Variants in NOVA2 observed in about 807,000 individuals in gnomAD.
NOVA2 encodes the protein RNA-binding protein Nova-2.
A neutral mutation model predicts 22.5 loss-of-function variants in NOVA2; 9 were observed. The ratio of observed to expected loss-of-function variants is 0.40; its 90% CI spans 0.24 to 0.70. The LOEUF is 0.70. Among genes scored for constraint, NOVA2 ranks in the 30% least tolerant of loss-of-function variants. The pLI is 0.38. For missense variants in NOVA2, 383 were observed against 682.8 expected, an observed-to-expected ratio of 0.56 and a Z score of 4.89; for synonymous variants, 318 against 335.2, an observed-to-expected ratio of 0.95 and a Z score of 0.56.
In NOVA2 at chr19:45,973,314, A is replaced by G; in HGVS notation, c.38T>C (p.Leu13Pro). ...PEAPDSRKRP[L>P]ETPPEVVCTK... ...GCAGACCACCTCGGGGGGCGTTTCG[A>G]GGGGCCTCTTGCGGGAATCCGGGGC... The change falls in exon 1 of 4, where the codon CTC becomes CCC. Residue 13 changes from leucine (L) to proline (P), a missense_variant. Transcript: ENST00000263257. 7.6e-7 allele frequency: 1 copy of G among 1,307,584 alleles called. No individual in the cohort carries two copies. Among genetic ancestry groups the G allele is most frequent in the Non-Finnish European group, 9.8e-7 (1 of 1,021,896 alleles). The allele number at this position is 1,307,584 out of a possible 1,614,324, so 81.0% of individuals were successfully genotyped here.
intron 3 of NOVA2, among the ~76,000 whole-genome samples, chr19:45,945,844 T>TA (rs1967829564): frequency 3.3e-5 from 5 of 150,090 alleles, no homozygotes; most frequent in African/African-American, 1.2e-4. Context: ...TATTATTTTT[T>TA]TTTTTTTTGA....
At chr19:45,952,637 A>G (rs1277636701) in intron 3 of NOVA2, among the ~76,000 whole-genome samples, 1 of 152,214 alleles carries the variant, frequency 6.6e-6, no homozygotes, top group African/African-American at 2.4e-5. Flanking sequence ...GGCGGAGGGA[A>G]GAGGCAATGC....
chr19:45,940,245 A>G lies in NOVA2; in HGVS notation c.1097T>C (p.Leu366Pro). Residue 366 changes from leucine (L) to proline (P), a missense_variant, in exon 4 of 4, where the codon CTC (leucine) becomes CCC (proline). Physicochemically the swap from Leu to Pro is moderately conservative, Grantham distance 98 (BLOSUM62 -3). Coordinates refer to ENST00000263257, the MANE Select transcript of NOVA2 (RefSeq NM_002516.4). ...CGCCCCGCCGCCCGCCCCGGCCCCGAGGTAGCCGTTGGCGGCTGCGGCCAA... is the reference window on the plus strand; with the variant it reads ...CGCCCCGCCGCCCGCCCCGGCCCCGGGGTAGCCGTTGGCGGCTGCGGCCAA... ...FALAAAANGYLGAGAGGGAGG... is the reference protein window; with the variant it reads ...FALAAAANGYPGAGAGGGAGG... 9.2e-7 allele frequency: 1 copy of G among 1,086,000 alleles called. No homozygotes were observed. Among genetic ancestry groups the G allele is most frequent in the Non-Finnish European group, 1.1e-6 (1 of 899,172 alleles). The allele number at this position is 1,086,000 out of a possible 1,614,324, so 67.3% of individuals were successfully genotyped here.
intron 2 of NOVA2, among the ~76,000 whole-genome samples, chr19:45,959,682 C>T (rs1207258724): frequency 1.7e-5 from 2 of 117,570 alleles, no homozygotes; most frequent in African/African-American, 3.2e-5. Flanking sequence ...AGGCTGGGGG[C>T]GGGGTGGATG....
intron 3 of NOVA2, among the ~76,000 whole-genome samples, chr19:45,952,556 T>C (rs1967941876): frequency 6.6e-6 from 1 of 152,230 alleles, no homozygotes; most frequent in South Asian, 2.1e-4. Context: ...GCACAGATGG[T>C]GCTGACCCCA....
At position 45,934,352 on chromosome 19, in the gene NOVA2, C is replaced by T. The variant is rs896556415; in HGVS notation, c.*5511G>A. 6.6e-6 allele frequency: 1 copy of T among 152,244 alleles called. No individual in the cohort carries two copies. Among genetic ancestry groups the T allele is most frequent in the Non-Finnish European group, 1.5e-5 (1 of 68,064 alleles). 9.4% of individuals were successfully genotyped at this position (152,244 alleles called of 1,614,324 possible). ...GAGGTTCTAGCTCCTCTGACTCCAC[C>T]ATTATCTCACTGAGGCTCCTCAGGG... is the stretch of plus-strand genomic sequence containing the variant. On this transcript the variant is annotated 3_prime_UTR_variant, in exon 4 of 4. Coordinates refer to ENST00000263257, the MANE Select transcript of NOVA2 (RefSeq NM_002516.4).
intron 2 of NOVA2, among the ~76,000 whole-genome samples, chr19:45,954,892 G>A (rs1967982373): frequency 7.1e-6 from 1 of 141,482 alleles, no homozygotes; most frequent in Non-Finnish European, 1.5e-5. Flanking sequence ...GTGTGTGTGT[G>A]TACTTGAGCA....
At chr19:45,945,493 G>A (rs1350125294) in intron 3 of NOVA2, among the ~76,000 whole-genome samples, 1 of 152,036 alleles carries the variant, frequency 6.6e-6, no homozygotes, top group East Asian at 1.9e-4. Flanking sequence ...AGGCTGGAGT[G>A]CAGTGGTGTG....
chr19:45,951,006 ATAT>A (rs1264643821), intron 3 of NOVA2, among the ~76,000 whole-genome samples: 3 of 152,186 alleles, frequency 2.0e-5, no homozygotes, highest in Non-Finnish European at 4.4e-5. Context: ...CTTACCAGAA[ATAT>A]TGATTCAGTG....
At chr19:45,957,538 T>TAAAA (rs771237218) in intron 2 of NOVA2, among the ~76,000 whole-genome samples, 1 of 120,204 alleles carries the variant, frequency 8.3e-6, no homozygotes. Context: ...AATCTCTGTC[T>TAAAA]AAAAAAAAAA....
Position 45,953,898 on chromosome 19 carries a change from T to C in NOVA2, c.278A>G (p.Asn93Ser). 1 of 1,614,206 alleles carries C rather than the reference T, an allele frequency of 6.2e-7. No homozygotes were observed. Among genetic ancestry groups the C allele is most frequent in the Non-Finnish European group, 8.5e-7 (1 of 1,180,038 alleles). Residue 93 changes from asparagine (N) to serine (S), a missense_variant, in exon 3 of 4, where the codon AAT (asparagine) becomes AGT (serine). Asn to Ser is a conservative substitution (Grantham distance 46, BLOSUM62 1). Transcript: ENST00000263257. ...CLVQGTAEAL[N>S]AVHSFIAEKV... ...CTCGGCAATAAAGCTGTGCACAGCATTCAAGGCCTCTGCCGTGCCCTGTAC... is the reference window on the plus strand; with the variant it reads ...CTCGGCAATAAAGCTGTGCACAGCACTCAAGGCCTCTGCCGTGCCCTGTAC...
intron 3 of NOVA2, among the ~76,000 whole-genome samples, chr19:45,946,821 G>A (rs1290591323): frequency 2.0e-5 from 3 of 150,836 alleles, no homozygotes; most frequent in South Asian, 2.1e-4. Context: ...GCAGCGAGCC[G>A]AGATCATCGC....
At chr19:45,941,266 C>G (rs1403487087) in intron 3 of NOVA2, among the ~76,000 whole-genome samples, 2 of 150,766 alleles carry the variant, frequency 1.3e-5, no homozygotes, top group Non-Finnish European at 2.9e-5. Context: ...TGCACTCCAG[C>G]CTGAGTGACA....
At chr19:45,966,550 G>A (rs1968170360) in intron 1 of NOVA2, among the ~76,000 whole-genome samples, 1 of 152,062 alleles carries the variant, frequency 6.6e-6, no homozygotes, top group African/African-American at 2.4e-5. Context: ...TTACAGGCAT[G>A]AGCCACCGCG....
At chr19:45,964,231 G>A (rs1968137908) in intron 1 of NOVA2, among the ~76,000 whole-genome samples, 1 of 135,790 alleles carries the variant, frequency 7.4e-6, no homozygotes, top group South Asian at 2.3e-4. Flanking sequence ...CCAGGCTGCA[G>A]TGCAATGGCG....
rs1474752040 is a variant in NOVA2 at position 45,938,327 on chromosome 19, G to C, written c.*1536C>G. The C allele has an allele frequency of 6.6e-6, 1 of 152,332 alleles. No individual in the cohort carries two copies. Among genetic ancestry groups the C allele is most frequent in the Non-Finnish European group, 1.5e-5 (1 of 68,118 alleles). The allele number at this position is 152,332 out of a possible 1,614,324, so 9.4% of individuals were successfully genotyped here. On this transcript the variant is annotated 3_prime_UTR_variant, in exon 4 of 4. Coordinates refer to ENST00000263257, the MANE Select transcript of NOVA2 (RefSeq NM_002516.4). ...AACATTCTAGTTCTCCAGAGCCCCT[G>C]GTGAGCACACCAAAACATTCTGATC...
chr19:45,966,911 C>T (rs906868077), intron 1 of NOVA2, among the ~76,000 whole-genome samples: 10 of 152,222 alleles, frequency 6.6e-5, no homozygotes, highest in African/African-American at 1.9e-4. Context: ...ATTTAAAAAT[C>T]GTTGCTAACA....
chr19:45,940,107 G>T lies in NOVA2; in HGVS notation c.1235C>A (p.Ala412Glu). 1 of 1,613,314 alleles carries T rather than the reference G, an allele frequency of 6.2e-7. No individual in the cohort carries two copies. The highest frequency in any genetic ancestry group is 8.5e-7 in the Non-Finnish European group (1 of 1,179,870). The change falls in exon 4 of 4, where the codon GCG becomes GAG. Residue 412 changes from alanine (A) to glutamate (E), a missense_variant. Ala to Glu is a moderately radical substitution (Grantham distance 107, BLOSUM62 -1). Around this residue, in one of 2 missense-constraint regions of NOVA2, gnomAD observed 349 missense variants for 578.1 expected, o/e 0.60. Transcript: ENST00000263257. Reference sequence around the variant, plus strand: ...GGCTCCCACCAGGTTCTCAGGCACCGCAATCTCCACCAGCTCCTTGGCACT... The same window carrying T: ...GGCTCCCACCAGGTTCTCAGGCACCTCAATCTCCACCAGCTCCTTGGCACT... ...AESAKELVEI[A>E]VPENLVGAIL...
chr19:45,967,120 A>G (rs562654579), intron 1 of NOVA2, among the ~76,000 whole-genome samples: 2 of 152,220 alleles, frequency 1.3e-5, no homozygotes, highest in South Asian at 4.1e-4. Context: ...ATGAACAGTG[A>G]TTGGCTAAGA....
Sources: allele counts gnomAD v4.1 joint callset (sites outside exome capture counted in the v4.1 genomes callset), GRCh38; gene constraint gnomAD v4.1.1; regional missense constraint gnomAD v4.1.1; transcripts MANE v1.5; gene names NCBI Gene and HGNC (gene_info 2026-07-23, HGNC 2026-07-21).